MCF2L2: variants seen among roughly 807,000 people sequenced by gnomAD.
MCF2L2 encodes the protein MCF.2 cell line derived transforming sequence-like 2.
Under a neutral mutation model 150.2 loss-of-function variants are expected in MCF2L2, and 102 were observed. The ratio of observed to expected loss-of-function variants is 0.68; its 90% confidence interval spans 0.58 to 0.80. The LOEUF (loss-of-function observed/expected upper bound fraction) is 0.80. Ranked by LOEUF, MCF2L2 falls within the 30% of genes least tolerant of loss-of-function variation. MCF2L2 has a pLI of 0.00. For synonymous variants in MCF2L2, 465 were observed against 491.3 expected, an observed-to-expected ratio of 0.95 and a Z score of 0.71; for missense variants, 1,256 against 1,372.8, an observed-to-expected ratio of 0.91 and a Z score of 1.34.
chr3:183,246,089 G>C (rs932301271), intron 15 of MCF2L2, among the ~76,000 whole-genome samples: 1 of 152,290 alleles, frequency 6.6e-6, no homozygotes, highest in East Asian at 1.9e-4. Flanking sequence ...AGCACTTTAA[G>C]AGATTGATCA....
chr3:183,337,373 A>G (rs1342621786), intron 5 of MCF2L2, among the ~76,000 whole-genome samples: 1 of 152,054 alleles, frequency 6.6e-6, no homozygotes, highest in African/African-American at 2.4e-5. Flanking sequence ...CCTGGCCAAC[A>G]TGGTAAAACC....
At chr3:183,359,003 G>GGTT (rs772361740) in intron 3 of MCF2L2, among the ~76,000 whole-genome samples, 1 of 143,372 alleles carries the variant, frequency 7.0e-6, no homozygotes, top group African/African-American at 2.6e-5. Flanking sequence ...AGTTCATTGG[G>GGTT]TTTTTTTTTT....
chr3:183,243,224 G>A (rs930219948), intron 15 of MCF2L2, among the ~76,000 whole-genome samples: 1 of 152,168 alleles, frequency 6.6e-6, no homozygotes, highest in Non-Finnish European at 1.5e-5. Context: ...GGGAAGGCAT[G>A]ATTTGTCTTG....
rs568907388 is a variant in MCF2L2 at position 183,258,142 on chromosome 3, G to A, written c.1862+18730C>T. ...TCCACCACACCCAGCTAATTTTTGT[G>A]TTTTTAGTAGAGATGGGGTTTCACC... On this transcript the variant is annotated intron_variant, in intron 15 of 29. Transcript: ENST00000328913. Among the ~76,000 whole-genome samples, 214 of 151,466 alleles carry A rather than the reference G, an allele frequency of 1.4e-3. 1 individual carries two copies. The highest frequency in any genetic ancestry group is 0.01 in the Middle Eastern group (3 of 294).
chr3:183,359,250 T>C (rs1167386765), intron 3 of MCF2L2, among the ~76,000 whole-genome samples: 3 of 152,178 alleles, frequency 2.0e-5, no homozygotes, highest in East Asian at 1.9e-4. Context: ...GCTAACACAA[T>C]AGGCACTCAG....
At chr3:183,217,737 C>G (rs1004503284) in intron 21 of MCF2L2, among the ~76,000 whole-genome samples, 5 of 152,110 alleles carry the variant, frequency 3.3e-5, no homozygotes, top group Non-Finnish European at 7.4e-5. Context: ...TGTCCCTGGC[C>G]CTCCCCACAT....
intron 3 of MCF2L2, among the ~76,000 whole-genome samples, chr3:183,346,827 G>T (rs574446413): frequency 1.3e-5 from 2 of 152,196 alleles, no homozygotes; most frequent in South Asian, 4.1e-4. Flanking sequence ...AGAGAATAAA[G>T]TACCTAGAAA....
At chr3:183,262,632 C>T (rs1237280807) in intron 15 of MCF2L2, among the ~76,000 whole-genome samples, 1 of 151,158 alleles carries the variant, frequency 6.6e-6, no homozygotes, top group Non-Finnish European at 1.5e-5. Context: ...CATGAGGAGG[C>T]GGCCCAGAAG....
In MCF2L2 at chr3:183,227,410, T is replaced by C. The variant is rs1183462773; in HGVS notation, c.2115+887A>G. On this transcript the variant is annotated intron_variant, in intron 18 of 29. Transcript: ENST00000328913. This position sits in a 1 kb window ranked among gnomAD's most constrained non-coding sequence, Gnocchi z 4.0. The stretch of plus-strand genomic sequence containing the variant: ...ATAATGTTGTAGGCCAAGATGTTCA[T>C]AAATTGAGTACTAAGCCTAAAGGAG... 1 of 152,212 alleles carries C rather than the reference T, an allele frequency of 6.6e-6. No homozygotes were observed. Among genetic ancestry groups the C allele is most frequent in the Admixed American group, 6.5e-5 (1 of 15,274 alleles). 9.4% of individuals were successfully genotyped at this position (152,212 alleles called of 1,614,324 possible).
At chr3:183,289,627 G>T (rs945534437) in intron 13 of MCF2L2, among the ~76,000 whole-genome samples, 1 of 152,112 alleles carries the variant, frequency 6.6e-6, no homozygotes, top group Admixed American at 6.6e-5. Context: ...AGGCTGAGGC[G>T]GGCAGATCAC....
intron 2 of MCF2L2, 21 bp downstream of exon 2, chr3:183,389,675 G>A (rs148842464): frequency 6.2e-7 from 1 of 1,606,926 alleles, no homozygotes; most frequent in South Asian, 1.1e-5. Flanking sequence ...ATCTGGAAAT[G>A]CAAATGAATG....
intron 1 of MCF2L2, among the ~76,000 whole-genome samples, chr3:183,408,078 T>G (rs1017875817): frequency 2.0e-5 from 3 of 151,630 alleles, no homozygotes; most frequent in Admixed American, 2.0e-4. Flanking sequence ...CGGTAAACAT[T>G]TGCTCTCCCA....
intron 15 of MCF2L2, chr3:183,265,352 T>C (rs1043381064): frequency 1.3e-5 from 2 of 152,336 alleles, no homozygotes; most frequent in African/African-American, 4.8e-5. Context: ...GCATTCGGCA[T>C]TGGGCTTGCT....
chr3:183,272,861 A>G, intron 15 of MCF2L2: 1 of 1,269,210 alleles, frequency 7.9e-7, no homozygotes, highest in Non-Finnish European at 1.0e-6. Context: ...CATCAAAGTG[A>G]TCTTGTTTAC....
chr3:183,323,050 C>T lies in MCF2L2; in HGVS notation c.603+185G>A, dbSNP rs558843180. Among the ~76,000 whole-genome samples the T allele has an allele frequency of 5.9e-5, 9 of 152,286 alleles. No homozygotes were observed. The Middle Eastern group carries it at 0.01, about 173-fold the overall frequency. ...AGATGCAGTGGGGTAAGGTGGTCAA[C>T]AGGAGAAATCCCAGCCTTCGCCCTT... On this transcript the variant is annotated intron_variant, in intron 6 of 29. Coordinates refer to ENST00000328913, the MANE Select transcript of MCF2L2 (RefSeq NM_015078.4).
At chr3:183,206,963 AAGGAAGGAAGGG>A (rs1272952139) in intron 23 of MCF2L2, among the ~76,000 whole-genome samples, 2,608 of 15,688 alleles carry the variant, frequency 0.17, 109 homozygotes, top group South Asian at 0.42. Context: ...GGAAGGAAGG[AAGGAAGGAAGGG>A]AGGGAGGGAG....
At chr3:183,195,949 T>C (rs922162707) in intron 25 of MCF2L2, among the ~76,000 whole-genome samples, 2 of 152,192 alleles carry the variant, frequency 1.3e-5, no homozygotes, top group African/African-American at 4.8e-5. Context: ...GTGGCCTTGA[T>C]TTCTGCCGGG....
chr3:183,409,966 G>GC (rs1421135749), intron 1 of MCF2L2, among the ~76,000 whole-genome samples: 2 of 152,146 alleles, frequency 1.3e-5, no homozygotes, highest in Non-Finnish European at 2.9e-5. Flanking sequence ...CCATAGGTCT[G>GC]CCTTCAAGCT....
chr3:183,183,902 A>C (rs545310268), intron 27 of MCF2L2, among the ~76,000 whole-genome samples: 1 of 151,586 alleles, frequency 6.6e-6, no homozygotes, highest in Non-Finnish European at 1.5e-5. Flanking sequence ...AATGGCTTTA[A>C]AAAGAAACAG....
Sources: gnomAD v4.1 joint callset for allele counts (sites outside exome capture counted in the v4.1 genomes callset) on GRCh38, gnomAD v4.1.1 for gene constraint, Gnocchi (gnomAD v3.1) non-coding constraint, MANE v1.5 for transcripts, NCBI Gene and HGNC (gene_info 2026-07-23, HGNC 2026-07-21) for gene names.